The following SPMIP7 variants were observed in gnomAD, a reference collection of about 807,000 sequenced individuals.
The protein encoded by SPMIP7 is sperm microtubule inner protein 7, also known as protein SPMIP7.
chr7:50,109,433 C>T, the SPMIP7 span, among the ~76,000 whole-genome samples: 5 of 151,992 alleles, frequency 3.3e-5, no homozygotes, highest in African/African-American at 4.8e-5. Context: ...CGGAGTGCAG[C>T]GGCATGATCT....
At chr7:50,134,446 G>A in the SPMIP7 span, among the ~76,000 whole-genome samples, 3 of 152,026 alleles carry the variant, frequency 2.0e-5, no homozygotes, top group African/African-American at 7.3e-5. Flanking sequence ...AGTTATTGAT[G>A]ACTGCAAATA....
chr7:50,118,594 T>G, the SPMIP7 span, among the ~76,000 whole-genome samples: 3 of 152,168 alleles, frequency 2.0e-5, no homozygotes, highest in Non-Finnish European at 2.9e-5. Flanking sequence ...ATTTAAAAAG[T>G]ATTTCCTTTA....
chr7:50,137,312 C>A, the SPMIP7 span, among the ~76,000 whole-genome samples: 2 of 152,046 alleles, frequency 1.3e-5, no homozygotes, highest in Non-Finnish European at 2.9e-5. Context: ...TTAATTTACA[C>A]AAAATTTATA....
chr7:50,107,386 G>GA, the SPMIP7 span, among the ~76,000 whole-genome samples: 22 of 47,352 alleles, frequency 4.6e-4, no homozygotes, highest in East Asian at 2.8e-3. Context: ...AAAAAAAAAA[G>GA]AAAAGAAAAG....
the SPMIP7 span, among the ~76,000 whole-genome samples, chr7:50,148,018 G>T: frequency 6.6e-6 from 1 of 152,132 alleles, no homozygotes; most frequent in South Asian, 2.1e-4. Flanking sequence ...TAATAGCTTT[G>T]TTCCCTCCAG....
chr7:50,148,452 A>G, the SPMIP7 span, among the ~76,000 whole-genome samples: 2 of 152,172 alleles, frequency 1.3e-5, no homozygotes. Flanking sequence ...TGACTTCTTA[A>G]CTGCTCTGAT....
At chr7:50,123,689 T>C in the SPMIP7 span, among the ~76,000 whole-genome samples, 2 of 152,044 alleles carry the variant, frequency 1.3e-5, no homozygotes, top group Non-Finnish European at 2.9e-5. Flanking sequence ...TTGTTTCTTC[T>C]AGAGGAGTCA....
At chr7:50,129,396 C>T in the SPMIP7 span, among the ~76,000 whole-genome samples, 16 of 151,990 alleles carry the variant, frequency 1.1e-4, no homozygotes, top group South Asian at 4.1e-4. Flanking sequence ...AAAGACAATA[C>T]GTTCTAAAAT....
At chr7:50,141,376 C>T in the SPMIP7 span, 611,943 of 1,541,334 alleles carry the variant, frequency 0.4, 124,542 homozygotes, top group South Asian at 0.43. Context: ...CCTCTTTATA[C>T]AAACACAAGT....
the SPMIP7 span, among the ~76,000 whole-genome samples, chr7:50,125,795 A>G: frequency 6.6e-6 from 1 of 152,100 alleles, no homozygotes; most frequent in Non-Finnish European, 1.5e-5. Context: ...AGAAGCAAAG[A>G]GTAGAATGGT....
the SPMIP7 span, among the ~76,000 whole-genome samples, chr7:50,147,700 C>G: frequency 6.6e-6 from 1 of 152,136 alleles, no homozygotes; most frequent in Non-Finnish European, 1.5e-5. Context: ...TACTAAACTT[C>G]TTGATTTTCT....
At chr7:50,145,616 G>GTATATATATA in the SPMIP7 span, among the ~76,000 whole-genome samples, 18 of 26,940 alleles carry the variant, frequency 6.7e-4, no homozygotes, top group African/African-American at 2.0e-3. Flanking sequence ...GTATATGTGT[G>GTATATATATA]TGTATATATA....
chr7:50,130,127 C>G, the SPMIP7 span, among the ~76,000 whole-genome samples: 1 of 152,090 alleles, frequency 6.6e-6, no homozygotes, highest in African/African-American at 2.4e-5. Flanking sequence ...GTACCTATTA[C>G]GAATCTATGT....
chr7:50,129,282 C>A, the SPMIP7 span, among the ~76,000 whole-genome samples: 1 of 151,734 alleles, frequency 6.6e-6, no homozygotes, highest in South Asian at 2.1e-4. Context: ...AAATAGTAAC[C>A]ATTAAAGATA....
chr7:50,134,381 T>C, the SPMIP7 span: 784 of 560,094 alleles, frequency 1.4e-3, 2 homozygotes, highest in African/African-American at 0.012. Context: ...TAAGTAAATA[T>C]ATATACACAC....
chr7:50,104,463 T>TTATA, the SPMIP7 span: 220 of 438,600 alleles, frequency 5.0e-4, no homozygotes, highest in South Asian at 1.7e-3. Context: ...TTTCATTGTA[T>TTATA]TATATATATA....
chr7:50,144,021 A>T, the SPMIP7 span, among the ~76,000 whole-genome samples: 4 of 152,160 alleles, frequency 2.6e-5, no homozygotes, highest in African/African-American at 9.7e-5. Context: ...ATTTGAAATT[A>T]TTTACTTAAG....
At chr7:50,110,947 A>G in the SPMIP7 span, among the ~76,000 whole-genome samples, 1 of 139,946 alleles carries the variant, frequency 7.1e-6, no homozygotes, top group East Asian at 2.0e-4. Flanking sequence ...TAAAATATAA[A>G]TATATATTTA....
At chr7:50,117,125 C>T in the SPMIP7 span, 1 of 387,118 alleles carries the variant, frequency 2.6e-6, no homozygotes, top group Admixed American at 2.8e-5. Context: ...AGAAGACAGC[C>T]ATGAGGAGGC....
Sources: allele counts gnomAD v4.1 joint callset (sites outside exome capture counted in the v4.1 genomes callset), GRCh38; gene constraint gnomAD v4.1.1; transcripts MANE v1.5; gene names NCBI Gene and HGNC (gene_info 2026-07-23, HGNC 2026-07-21).